The following AKT3 variants were observed in gnomAD, a reference collection of about 807,000 sequenced individuals.
AKT3 encodes the protein RAC-gamma serine/threonine-protein kinase.
Under a neutral mutation model 65.3 loss-of-function variants are expected in AKT3, and 15 were observed. The ratio of observed to expected loss-of-function variants is 0.23; its 90% confidence interval spans 0.15 to 0.35. The LOEUF is 0.35. Among genes scored for constraint, AKT3 ranks in the 10% least tolerant of loss-of-function variants. The probability of loss-of-function intolerance (pLI) is 1.00; values close to 1 mark genes in which losing one functional copy is unlikely to be tolerated. For missense variants in AKT3, 243 were observed against 576.5 expected (o/e 0.42, Z 5.92); for synonymous variants, 206 against 183.8 (o/e 1.12, Z -0.98).
intron 2 of AKT3, among the ~76,000 whole-genome samples, chr1:243,832,976 G>A (rs1313211425): frequency 2.0e-5 from 3 of 152,126 alleles, no homozygotes; most frequent in Non-Finnish European, 2.9e-5. Context: ...AGAACTGCCT[G>A]AGGCCGGGCG....
chr1:243,573,809 C>A (rs1046425796), intron 8 of AKT3, among the ~76,000 whole-genome samples: 20 of 152,256 alleles, frequency 1.3e-4, no homozygotes, highest in Admixed American at 1.1e-3. Context: ...CGATAGTCAA[C>A]AAACATTCAC....
chr1:243,646,123 A>T, intron 4 of AKT3, 86 bp from the exon 5 acceptor site: 1 of 1,167,942 alleles, frequency 8.6e-7, no homozygotes, highest in Non-Finnish European at 1.2e-6. Context: ...AATCAATACA[A>T]ATAAAATCTA....
At chr1:243,558,658 CTTGA>C (rs1400307756) in intron 10 of AKT3, among the ~76,000 whole-genome samples, 4 of 152,062 alleles carry the variant, frequency 2.6e-5, no homozygotes, top group South Asian at 4.1e-4. Flanking sequence ...TTAGTTCTAA[CTTGA>C]TTATCAAATA....
intron 4 of AKT3, among the ~76,000 whole-genome samples, chr1:243,664,055 C>T (rs1558696921): frequency 1.3e-5 from 2 of 152,106 alleles, no homozygotes; most frequent in African/African-American, 4.8e-5. Flanking sequence ...GTGCTCCAGA[C>T]AGCCACTTAC....
chr1:243,686,647 A>ATTTTT (rs1684328368), intron 3 of AKT3, among the ~76,000 whole-genome samples: 2 of 23,202 alleles, frequency 8.6e-5, no homozygotes, highest in South Asian at 1.3e-3. Flanking sequence ...ATATATATAT[A>ATTTTT]TATATTTTTT....
chr1:243,671,444 A>G (rs554334227), intron 3 of AKT3, among the ~76,000 whole-genome samples: 14 of 152,184 alleles, frequency 9.2e-5, no homozygotes, highest in African/African-American at 3.4e-4. Flanking sequence ...ATGACCATAA[A>G]CCAAATTTAT....
At chr1:243,554,404 T>C (rs1474235911) in intron 10 of AKT3, among the ~76,000 whole-genome samples, 1 of 152,140 alleles carries the variant, frequency 6.6e-6, no homozygotes, top group Admixed American at 6.5e-5. Context: ...CAAAAAAACA[T>C]TTTCTGGAAG....
rs1033846803 is a variant in AKT3 at position 243,614,935 on chromosome 1, A to G, written c.627+161T>C. 2.6e-5 allele frequency among the ~76,000 whole-genome samples: 4 copies of G among 152,168 alleles called. No homozygotes were observed. The South Asian group carries it at 8.3e-4, about 32-fold the overall frequency. ...TTATCAATGCATACACACTGTAAAA[A>G]TCCATACATTCTAATAAGTTATAAG... is the stretch of plus-strand genomic sequence containing the variant. On this transcript the variant is annotated intron_variant, in intron 7 of 13. Transcript: ENST00000673466.
At chr1:243,821,996 T>C (rs1403778944) in intron 2 of AKT3, among the ~76,000 whole-genome samples, 1 of 152,170 alleles carries the variant, frequency 6.6e-6, no homozygotes, top group Non-Finnish European at 1.5e-5. Context: ...TGGTGCCACA[T>C]GGCACATACT....
At position 243,843,162 on chromosome 1, in the gene AKT3, A is replaced by G. The variant is rs780177110; in HGVS notation, c.9T>C (p.Asp3=). The G allele has an allele frequency of 2.5e-6, 4 of 1,613,790 alleles. No individual in the cohort carries two copies. The highest frequency in any genetic ancestry group is 2.5e-6 in the Non-Finnish European group (3 of 1,179,916). The change falls in exon 2 of 14, where the codon GAT becomes GAC. Residue 3 remains aspartate (D), a synonymous_variant. Coordinates refer to ENST00000673466, the MANE Select transcript of AKT3 (RefSeq NM_005465.7). MS[D]VTIVKEGWVQ... ...CCCAACCTTCTTTCACAATGGTAAC[A>G]TCGCTCATGATGACTCCCCTCTGAG... is the stretch of plus-strand genomic sequence containing the variant.
At chr1:243,682,300 C>T (rs1038511123) in intron 3 of AKT3, among the ~76,000 whole-genome samples, 8 of 152,038 alleles carry the variant, frequency 5.3e-5, no homozygotes, top group Non-Finnish European at 7.4e-5. Flanking sequence ...TCCCTACATA[C>T]AAGAAGGCAA....
chr1:243,495,433 ACT>A (rs1667569517), downstream of AKT3, among the ~76,000 whole-genome samples: 1 of 151,990 alleles, frequency 6.6e-6, no homozygotes, highest in Non-Finnish European at 1.5e-5. Context: ...AGGGCTTTGA[ACT>A]CTGACTGCGG....
At chr1:243,804,707 C>T (rs1692613773) in intron 2 of AKT3, among the ~76,000 whole-genome samples, 1 of 151,890 alleles carries the variant, frequency 6.6e-6, no homozygotes, top group Admixed American at 6.6e-5. Context: ...ATTAGCCGGG[C>T]GTGGTGGCAG....
chr1:243,512,471 A>T, intron 12 of AKT3, 45 bp from the exon 13 acceptor site: 5 of 1,215,224 alleles, frequency 4.1e-6, no homozygotes, highest in Non-Finnish European at 5.9e-6. Context: ...ATTTCAATTC[A>T]GGAAAATTCC....
At chr1:243,588,492 A>C (rs750817091) in intron 8 of AKT3, among the ~76,000 whole-genome samples, 2 of 152,230 alleles carry the variant, frequency 1.3e-5, no homozygotes, top group Non-Finnish European at 2.9e-5. Context: ...AATAAAAACT[A>C]ACACTCTGAC....
intron 2 of AKT3, among the ~76,000 whole-genome samples, chr1:243,760,282 C>CTTTTTTTT (rs58733457): frequency 0.017 from 1,378 of 80,894 alleles, 21 homozygotes; most frequent in Non-Finnish European, 0.02. Flanking sequence ...CTATATCTGG[C>CTTTTTTTT]TTTTTTTTTT....
In AKT3 at chr1:243,702,826, T is replaced by C. The variant is rs1685552482; in HGVS notation, c.47-7110A>G. On this transcript the variant is annotated intron_variant, in intron 2 of 13. Transcript: ENST00000673466. ...ATATCAGGATATCAGAGGGGTAAAC[T>C]AGTCTTCCAAAGAAAAGAGCAGAAG... The C allele has an allele frequency of 2.6e-5, 4 of 152,138 alleles. No homozygotes were observed. The South Asian group carries it at 8.3e-4, about 31-fold the overall frequency. The allele number at this position is 152,138 out of a possible 1,614,324, so 9.4% of individuals were successfully genotyped here. A position where few individuals can be genotyped will look rare whatever the true frequency, so the allele number is the denominator to read the frequency against.
At chr1:243,557,362 G>A (rs1389276529) in intron 10 of AKT3, among the ~76,000 whole-genome samples, 1 of 151,954 alleles carries the variant, frequency 6.6e-6, no homozygotes, top group Non-Finnish European at 1.5e-5. Flanking sequence ...TAAACTTCAT[G>A]CTTAAACTAG....
At chr1:243,573,166 T>A in intron 8 of AKT3, 118 bp from the exon 9 acceptor site, 12 of 1,205,688 alleles carry the variant, frequency 1.0e-5, no homozygotes, top group Non-Finnish European at 1.3e-5. Flanking sequence ...GTACTCTCAG[T>A]GGACACTGAG....
Sources: gnomAD v4.1 joint callset for allele counts (sites outside exome capture counted in the v4.1 genomes callset) on GRCh38, gnomAD v4.1.1 for gene constraint, MANE v1.5 for transcripts, NCBI Gene and HGNC (gene_info 2026-07-23, HGNC 2026-07-21) for gene names.